The following PDE7B variants were observed in gnomAD, a reference collection of about 807,000 sequenced individuals.
PDE7B encodes the protein phosphodiesterase 7B.
PDE7B carries 29 observed loss-of-function variants against 56.2 expected under a neutral mutation model. The ratio of observed to expected loss-of-function variants is 0.52; its 90% CI spans 0.38 to 0.70. The LOEUF is 0.70. PDE7B is among the 30% of genes least tolerant of loss of function. The pLI, the probability that PDE7B is intolerant of heterozygous loss-of-function variation, is 0.00. For synonymous variants in PDE7B, 197 were observed against 196.9 expected, an observed-to-expected ratio of 1.00 and a Z score of 0.00; for missense variants, 490 against 565.0, an observed-to-expected ratio of 0.87 and a Z score of 1.35.
intron 2 of PDE7B, among the ~76,000 whole-genome samples, chr6:136,012,981 C>A (rs1219175036): frequency 1.3e-5 from 2 of 152,044 alleles, no homozygotes; most frequent in Non-Finnish European, 2.9e-5. Flanking sequence ...GGATTTCATC[C>A]AATATAACAA....
chr6:135,934,825 A>ATAAATATATATTTATT (rs1774372286), intron 1 of PDE7B, among the ~76,000 whole-genome samples: 1 of 68,904 alleles, frequency 1.5e-5, no homozygotes, highest in African/African-American at 4.7e-5. Flanking sequence ...TATATATTTA[A>ATAAATATATATTTATT]TAAATAAATA....
chr6:136,010,199 A>AT (rs1176037573), intron 2 of PDE7B, among the ~76,000 whole-genome samples: 1 of 152,074 alleles, frequency 6.6e-6, no homozygotes, highest in Admixed American at 6.6e-5. Context: ...ATGTTGTTTA[A>AT]TTTCCATGTA....
intron 3 of PDE7B, among the ~76,000 whole-genome samples, chr6:136,109,906 T>C (rs1271976142): frequency 6.6e-6 from 1 of 152,224 alleles, no homozygotes; most frequent in Non-Finnish European, 1.5e-5. Context: ...AATTTCAAAG[T>C]GCTAGATTAT....
chr6:136,169,387 C>G (rs146402420), intron 8 of PDE7B, among the ~76,000 whole-genome samples: 98 of 152,240 alleles, frequency 6.4e-4, no homozygotes, highest in African/African-American at 2.0e-3. Flanking sequence ...CCAAGCTAAC[C>G]CAATTTTCTA....
chr6:135,875,954 T>G (rs1775482856), intron 1 of PDE7B, among the ~76,000 whole-genome samples: 1 of 152,276 alleles, frequency 6.6e-6, no homozygotes, highest in Admixed American at 6.5e-5. Context: ...TCAGGTCTTC[T>G]GCAAAGGACA....
At chr6:135,921,500 T>C (rs1222074587) in intron 1 of PDE7B, among the ~76,000 whole-genome samples, 1 of 152,130 alleles carries the variant, frequency 6.6e-6, no homozygotes, top group African/African-American at 2.4e-5. Flanking sequence ...ATTAAGCTGT[T>C]TCCATTATGA....
chr6:136,143,112 T>C (rs189482061), intron 3 of PDE7B, among the ~76,000 whole-genome samples: 78 of 152,260 alleles, frequency 5.1e-4, no homozygotes, highest in African/African-American at 1.4e-3. Context: ...CCATGTTTAG[T>C]GCTTCCTTCA....
At chr6:136,028,556 G>T (rs1048746586) in intron 2 of PDE7B, among the ~76,000 whole-genome samples, 6 of 152,166 alleles carry the variant, frequency 3.9e-5, no homozygotes, top group Admixed American at 2.0e-4. Flanking sequence ...CTTTCTGGAG[G>T]CTCTAAGGGA....
chr6:136,060,831 A>G (rs548865302), intron 2 of PDE7B, among the ~76,000 whole-genome samples: 2 of 152,314 alleles, frequency 1.3e-5, no homozygotes, highest in African/African-American at 4.8e-5. Flanking sequence ...TTCTAAGCCT[A>G]GAGTTCTTTT....
chr6:135,904,363 A>C (rs1439093781), intron 1 of PDE7B, among the ~76,000 whole-genome samples: 1 of 152,184 alleles, frequency 6.6e-6, no homozygotes, highest in South Asian at 2.1e-4. Flanking sequence ...CATATGAAAA[A>C]TGGGAATCAC....
intron 8 of PDE7B, among the ~76,000 whole-genome samples, chr6:136,172,330 C>A (rs1778901176): frequency 6.6e-6 from 1 of 152,220 alleles, no homozygotes; most frequent in Non-Finnish European, 1.5e-5. Flanking sequence ...GATTGCCATT[C>A]TAACTGGTGT....
intron 2 of PDE7B, among the ~76,000 whole-genome samples, chr6:136,006,026 T>C (rs1240210090): frequency 2.0e-5 from 3 of 151,654 alleles, no homozygotes; most frequent in African/African-American, 7.3e-5. Flanking sequence ...TATGCAGCCA[T>C]AAAAAATGAT....
intron 2 of PDE7B, among the ~76,000 whole-genome samples, chr6:135,998,169 AAGAG>A (rs1410787588): frequency 6.6e-6 from 1 of 152,128 alleles, no homozygotes; most frequent in South Asian, 2.1e-4. Flanking sequence ...GGAGGAGAAA[AAGAG>A]AGATTTTCAT....
In PDE7B at chr6:136,119,489, A is replaced by G. The variant is rs1375847947; in HGVS notation, c.166+10675A>G. Among the ~76,000 whole-genome samples, 6 of 152,350 alleles carry G rather than the reference A, an allele frequency of 3.9e-5. No individual in the cohort carries two copies. The East Asian group carries it at 9.6e-4, about 24-fold the overall frequency. Reference sequence around the variant, plus strand: ...AAATGAAATTGCAGCCATAGGCCAGAAAACATTATTTAACAGGCCTAAATT... The same window carrying G: ...AAATGAAATTGCAGCCATAGGCCAGGAAACATTATTTAACAGGCCTAAATT... On this transcript the variant is annotated intron_variant, in intron 3 of 12. Coordinates refer to ENST00000308191, the MANE Select transcript of PDE7B (RefSeq NM_018945.4).
intron 1 of PDE7B, among the ~76,000 whole-genome samples, chr6:135,913,700 C>T (rs1776249427): frequency 6.6e-6 from 1 of 152,114 alleles, no homozygotes; most frequent in South Asian, 2.1e-4. Context: ...AACAATTATG[C>T]TTTCTTTAAT....
chr6:135,860,746 G>A (rs1447158354), intron 1 of PDE7B, among the ~76,000 whole-genome samples: 1 of 151,908 alleles, frequency 6.6e-6, no homozygotes, highest in Non-Finnish European at 1.5e-5. Flanking sequence ...GTATCAACTG[G>A]TATTATTTGC....
At chr6:135,878,164 A>G (rs921294254) in intron 1 of PDE7B, among the ~76,000 whole-genome samples, 1 of 152,236 alleles carries the variant, frequency 6.6e-6, no homozygotes. Context: ...CGTTTCTCTC[A>G]TGACCATAAC....
intron 2 of PDE7B, among the ~76,000 whole-genome samples, chr6:135,973,257 C>T (rs1394327534): frequency 6.6e-6 from 1 of 152,066 alleles, no homozygotes; most frequent in African/African-American, 2.4e-5. Context: ...TGGCTTATTT[C>T]ACTTAGCATA....
At chr6:135,968,411 A>C (rs1775036076) in intron 2 of PDE7B, among the ~76,000 whole-genome samples, 2 of 152,214 alleles carry the variant, frequency 1.3e-5, no homozygotes, top group Admixed American at 1.3e-4. Flanking sequence ...TATCCATCTG[A>C]CAATTCTAAC....
Sources: allele counts gnomAD v4.1 joint callset (sites outside exome capture counted in the v4.1 genomes callset), GRCh38; gene constraint gnomAD v4.1.1; transcripts MANE v1.5; gene names NCBI Gene and HGNC (gene_info 2026-07-23, HGNC 2026-07-21).